Variants in PTPRN2 observed in about 807,000 individuals in gnomAD.
PTPRN2 encodes the protein receptor-type tyrosine-protein phosphatase N2.
Under a neutral mutation model 118.8 loss-of-function variants are expected in PTPRN2, and 74 were observed. That is an observed-to-expected ratio of 0.62 (90% confidence interval 0.52 to 0.76). PTPRN2 has a LOEUF of 0.76. PTPRN2 is among the 30% of genes least tolerant of loss of function. The pLI, the probability that PTPRN2 is intolerant of heterozygous loss-of-function variation, is 0.00. For missense variants in PTPRN2, 1,481 were observed against 1,394.4 expected, an observed-to-expected ratio of 1.06 and a Z score of -0.99; for synonymous variants, 641 against 608.0, an observed-to-expected ratio of 1.05 and a Z score of -0.80.
chr7:158,402,312 A>T (rs1470302526), intron 2 of PTPRN2, among the ~76,000 whole-genome samples: 3 of 151,988 alleles, frequency 2.0e-5, no homozygotes, highest in African/African-American at 7.3e-5. Flanking sequence ...CAAATTGGAA[A>T]TCTGGGGGTA....
At chr7:158,220,347 AG>A (rs1828267220) in intron 3 of PTPRN2, among the ~76,000 whole-genome samples, 1 of 152,098 alleles carries the variant, frequency 6.6e-6, no homozygotes, top group African/African-American at 2.4e-5. Context: ...AAGAAATAAA[AG>A]GTATCCAAAT....
At chr7:158,586,460 T>C (rs1284627528) in intron 1 of PTPRN2, among the ~76,000 whole-genome samples, 5 of 151,974 alleles carry the variant, frequency 3.3e-5, no homozygotes, top group Non-Finnish European at 5.9e-5. Context: ...CCCCCCTCCA[T>C]CCCCGCCTGC....
chr7:157,676,449 ACTC>A lies in PTPRN2; in HGVS notation c.2001+6273_2001+6275del, dbSNP rs1246618883. ...TACCGCCGGTTCACTTTCATTGCAAACTCCTCATCTCCAAGAAATCATCAACCG... is the reference window on the plus strand; with the variant it reads ...TACCGCCGGTTCACTTTCATTGCAAACTCATCTCCAAGAAATCATCAACCG... On this transcript the variant is annotated intron_variant, in intron 13 of 22. Transcript: ENST00000389418. The surrounding 1 kb of genome is among the most constrained non-coding windows in gnomAD (Gnocchi z 5.6). 3.3e-5 allele frequency among the ~76,000 whole-genome samples: 5 copies of A among 151,720 alleles called. No homozygotes were observed. In the East Asian group the frequency reaches 7.7e-4, roughly 24 times the overall value.
intron 2 of PTPRN2, among the ~76,000 whole-genome samples, chr7:158,328,237 G>A (rs1485941047): frequency 6.6e-6 from 1 of 152,188 alleles, no homozygotes; most frequent in Non-Finnish European, 1.5e-5. Flanking sequence ...GACAGCAATG[G>A]CTTCTGAGGC....
intron 3 of PTPRN2, among the ~76,000 whole-genome samples, chr7:158,294,877 T>C (rs1478492670): frequency 5.6e-4 from 75 of 134,194 alleles, no homozygotes; most frequent in African/African-American, 2.0e-3. Context: ...TCTAAGCCCA[T>C]GGGGCCCGCT....
chr7:158,351,271 G>A (rs1324387552), intron 2 of PTPRN2, among the ~76,000 whole-genome samples: 1 of 152,088 alleles, frequency 6.6e-6, no homozygotes, highest in Non-Finnish European at 1.5e-5. Flanking sequence ...TCACCCGCTG[G>A]CACCATTGGC....
chr7:157,731,469 G>GTCCCATGCT (rs1260227142), intron 12 of PTPRN2, among the ~76,000 whole-genome samples: 1 of 150,446 alleles, frequency 6.6e-6, no homozygotes, highest in Non-Finnish European at 1.5e-5. Context: ...CTTCCCACGC[G>GTCCCATGCT]CCCAGCACAG....
At chr7:157,660,718 G>A (rs1795843410) in intron 13 of PTPRN2, among the ~76,000 whole-genome samples, 1 of 152,172 alleles carries the variant, frequency 6.6e-6, no homozygotes, top group Non-Finnish European at 1.5e-5. Context: ...TGACGGCTTG[G>A]CAAATGTAAA....
intron 1 of PTPRN2, among the ~76,000 whole-genome samples, chr7:158,575,531 AT>A (rs1460097419): frequency 6.6e-6 from 1 of 152,220 alleles, no homozygotes; most frequent in East Asian, 1.9e-4. Flanking sequence ...GGCCCAGCTA[AT>A]TTTTTACATT....
chr7:158,363,973 AC>A (rs1490574276), intron 2 of PTPRN2, among the ~76,000 whole-genome samples: 4 of 152,146 alleles, frequency 2.6e-5, no homozygotes, highest in African/African-American at 9.7e-5. Flanking sequence ...GGAGACACAC[AC>A]ACGCTTCCCC....
intron 3 of PTPRN2, among the ~76,000 whole-genome samples, chr7:158,281,041 C>T (rs1003453658): frequency 2.0e-5 from 3 of 152,238 alleles, no homozygotes; most frequent in African/African-American, 2.4e-5. Flanking sequence ...CAGTGGCTCA[C>T]GCCTCTAATC....
At chr7:157,633,081 C>T (rs1804062409) in intron 14 of PTPRN2, among the ~76,000 whole-genome samples, 1 of 151,968 alleles carries the variant, frequency 6.6e-6, no homozygotes, top group Non-Finnish European at 1.5e-5. Context: ...TTCGGGAGCA[C>T]AGTAGTTAGC....
rs377402717 is a variant in PTPRN2, at chr7:157,763,411, C to T, written c.1789-80474G>A. On this transcript the variant is annotated intron_variant, in intron 12 of 22. Transcript: ENST00000389418. The surrounding 1 kb of genome is among the most constrained non-coding windows in gnomAD (Gnocchi z 4.9). ...GTCACTGTGGCCATGGGGCGGCCTT[C>T]GCTCTGAGGCACAGGTTGGCGGTGG... 2.4e-4 allele frequency among the ~76,000 whole-genome samples: 36 copies of T among 152,118 alleles called. No individual in the cohort carries two copies. The highest frequency in any genetic ancestry group is 7.0e-4 in the African/African-American group (29 of 41,444).
At chr7:157,743,504 T>C (rs937312013) in intron 12 of PTPRN2, among the ~76,000 whole-genome samples, 4 of 152,222 alleles carry the variant, frequency 2.6e-5, no homozygotes, top group African/African-American at 9.6e-5. Flanking sequence ...TCCATTTAAG[T>C]GGGACCCACA....
In PTPRN2 at chr7:157,722,627, C is replaced by A. The variant is rs575733973; in HGVS notation, c.1789-39690G>T. 4.9e-4 allele frequency among the ~76,000 whole-genome samples: 75 copies of A among 152,300 alleles called. 1 individual carries two copies. Among genetic ancestry groups the A allele is most frequent in the Middle Eastern group, 6.8e-3 (2 of 294 alleles). ...GTGGCCCGAGTGTGGGCCTGGGCGG[C>A]CCTCCATTCCTCGGCAGGGCACTGC... On this transcript the variant is annotated intron_variant, in intron 12 of 22. Transcript: ENST00000389418.
At chr7:158,322,678 C>G (rs535067725) in intron 2 of PTPRN2, among the ~76,000 whole-genome samples, 51 of 147,672 alleles carry the variant, frequency 3.5e-4, no homozygotes, top group African/African-American at 1.2e-3. Context: ...CTGGATCAGG[C>G]AGGAGAGGAC....
intron 12 of PTPRN2, among the ~76,000 whole-genome samples, chr7:157,778,809 G>T (rs1263006278): frequency 2.0e-5 from 3 of 151,932 alleles, no homozygotes; most frequent in Admixed American, 2.0e-4. Context: ...CGTGAATACA[G>T]GTGCCGCCGA....
chr7:158,483,130 C>T lies in PTPRN2; in HGVS notation c.163+6605G>A, dbSNP rs533685211. Among the ~76,000 whole-genome samples, 7 of 152,336 alleles carry T rather than the reference C, an allele frequency of 4.6e-5. No individual in the cohort carries two copies. In the South Asian group the frequency reaches 1.5e-3, roughly 32 times the overall value. On this transcript the variant is annotated intron_variant, in intron 2 of 22. Transcript: ENST00000389418. ...ACAACTGTCCATAAAAACAGGCTTC[C>T]CTGTTTCCTGGGTCTTCATTTCTGA...
chr7:158,296,671 G>T (rs1800524125), intron 3 of PTPRN2, among the ~76,000 whole-genome samples: 1 of 152,206 alleles, frequency 6.6e-6, no homozygotes, highest in Non-Finnish European at 1.5e-5. Context: ...CCGTCTGTAT[G>T]CTCCCCTGCA....
Sources: allele counts gnomAD v4.1 joint callset (sites outside exome capture counted in the v4.1 genomes callset), GRCh38; gene constraint gnomAD v4.1.1; non-coding constraint Gnocchi (gnomAD v3.1); transcripts MANE v1.5; gene names NCBI Gene and HGNC (gene_info 2026-07-23, HGNC 2026-07-21).